NALCN: variants seen among roughly 807,000 people sequenced by gnomAD.
The protein encoded by NALCN is sodium leak channel, non-selective.
In NALCN, 111 loss-of-function variants were observed where a neutral mutation model predicts 225.3. That is an observed-to-expected ratio of 0.49 (90% CI 0.42 to 0.58). The LOEUF (loss-of-function observed/expected upper bound fraction) is 0.58, where lower values mean the gene tolerates loss of function less well. Among genes scored for constraint, NALCN ranks in the 20% least tolerant of loss-of-function variants. NALCN has a pLI of 0.00. For synonymous variants in NALCN, 764 were observed against 769.0 expected, an observed-to-expected ratio of 0.99 and a Z score of 0.11; for missense variants, 1,378 against 2,202.4, an observed-to-expected ratio of 0.63 and a Z score of 7.49.
At chr13:101,146,495 G>A (rs945982095) in intron 15 of NALCN, among the ~76,000 whole-genome samples, 3 of 152,148 alleles carry the variant, frequency 2.0e-5, no homozygotes, top group South Asian at 4.1e-4. Context: ...TTCCACACAC[G>A]AGTAAAGAGA....
intron 10 of NALCN, among the ~76,000 whole-genome samples, chr13:101,283,474 G>A (rs777084138): frequency 5.3e-5 from 8 of 152,122 alleles, no homozygotes; most frequent in Non-Finnish European, 1.0e-4. Context: ...CAATCCTTAT[G>A]TTTGCTATCA....
chr13:101,142,992 G>T, intron 17 of NALCN, 88 bp downstream of exon 17: 1 of 1,469,254 alleles, frequency 6.8e-7, no homozygotes, highest in Non-Finnish European at 9.5e-7. Context: ...TGAGAAATTG[G>T]ATTCCAGGAC....
intron 4 of NALCN, among the ~76,000 whole-genome samples, chr13:101,378,130 T>C (rs2046746313): frequency 1.3e-5 from 2 of 152,074 alleles, no homozygotes; most frequent in Admixed American, 1.3e-4. Context: ...TCAGGGAATA[T>C]ATTTTATATC....
At chr13:101,208,651 A>G (rs140973861) in intron 13 of NALCN, among the ~76,000 whole-genome samples, 1 of 152,296 alleles carries the variant, frequency 6.6e-6, no homozygotes, top group African/African-American at 2.4e-5. Context: ...GGAGGTGTTT[A>G]GGTCACGGGG....
intron 27 of NALCN, among the ~76,000 whole-genome samples, chr13:101,100,059 G>A (rs1457965309): frequency 2.0e-5 from 3 of 152,162 alleles, no homozygotes; most frequent in East Asian, 1.9e-4. Context: ...CGTAGTGCAA[G>A]TATTCAAGTT....
intron 14 of NALCN, among the ~76,000 whole-genome samples, chr13:101,187,622 A>G (rs1443796574): frequency 1.3e-5 from 2 of 152,208 alleles, no homozygotes; most frequent in Non-Finnish European, 2.9e-5. Context: ...TAAACATAGT[A>G]AGAGGTGCTC....
intron 7 of NALCN, among the ~76,000 whole-genome samples, chr13:101,304,950 T>G (rs1303977388): frequency 6.6e-6 from 1 of 151,716 alleles, no homozygotes; most frequent in East Asian, 1.9e-4. Flanking sequence ...GAGATGGGGG[T>G]TTCACCATGT....
At position 101,054,575 on chromosome 13, in the gene NALCN, T is replaced by C. The variant is rs1478957759; in HGVS notation, c.*720A>G. The C allele has an allele frequency of 6.6e-6, 1 of 152,254 alleles. No individual in the cohort carries two copies. The highest frequency in any genetic ancestry group is 1.9e-4 in the East Asian group (1 of 5,206). 9.4% of individuals were successfully genotyped at this position (152,254 alleles called of 1,614,324 possible). On this transcript the variant is annotated 3_prime_UTR_variant, in exon 44 of 44. Coordinates refer to ENST00000251127, the MANE Select transcript of NALCN (RefSeq NM_052867.4). Reference sequence around the variant, plus strand: ...GCAACTATGTCACTCAAGTGATTTATCTACAGGTTTGTTTTAAACCGCTAA... The same window carrying C: ...GCAACTATGTCACTCAAGTGATTTACCTACAGGTTTGTTTTAAACCGCTAA...
chr13:101,319,616 T>C (rs1291713841), intron 7 of NALCN, among the ~76,000 whole-genome samples: 2 of 152,140 alleles, frequency 1.3e-5, no homozygotes, highest in African/African-American at 4.8e-5. Context: ...TTTTCAAACA[T>C]TTATGAAATG....
chr13:101,408,439 C>T (rs796546812), intron 1 of NALCN, among the ~76,000 whole-genome samples: 1 of 152,090 alleles, frequency 6.6e-6, no homozygotes, highest in African/African-American at 2.4e-5. Context: ...TGGAGTCCTG[C>T]GTCTCCCCCA....
intron 3 of NALCN, among the ~76,000 whole-genome samples, chr13:101,381,344 T>C (rs370210517): frequency 1.3e-5 from 2 of 152,284 alleles, no homozygotes; most frequent in East Asian, 3.9e-4. Flanking sequence ...ACGTAAGGAT[T>C]TTTTATAGTC....
chr13:101,348,827 C>T (rs1382854299), intron 6 of NALCN, among the ~76,000 whole-genome samples: 6 of 151,952 alleles, frequency 3.9e-5, no homozygotes, highest in African/African-American at 1.4e-4. Context: ...GATTAATTGC[C>T]CTGGAACACA....
chr13:101,069,999 T>C (rs2032731430), intron 37 of NALCN, among the ~76,000 whole-genome samples: 2 of 151,938 alleles, frequency 1.3e-5, no homozygotes, highest in African/African-American at 2.4e-5. Context: ...ATGGCTGGAA[T>C]CAACTTCTTC....
In NALCN at chr13:101,188,605, T is replaced by C. The variant is rs533579747; in HGVS notation, c.1764+3312A>G. ...ATACATATATACACACACATATATA[T>C]ACATATATACACACATATATACATA... is the stretch of plus-strand genomic sequence containing the variant. On this transcript the variant is annotated intron_variant, in intron 14 of 43. Transcript: ENST00000251127. 2.4e-4 allele frequency among the ~76,000 whole-genome samples: 36 copies of C among 151,088 alleles called. No homozygotes were observed. In the South Asian group the frequency reaches 2.7e-3, roughly 11 times the overall value.
rs1009021353 is a variant in NALCN at position 101,411,222 on chromosome 13, T to G, written c.-40+5091A>C. On this transcript the variant is annotated intron_variant, in intron 1 of 43. Transcript: ENST00000251127. ...TATCCTCTTTCTTTTTTTTCCTTTT[T>G]TTTTGTACTTCTTAAGATGAAATGC... Among the ~76,000 whole-genome samples, 19 of 152,290 alleles carry G rather than the reference T, an allele frequency of 1.2e-4. 1 individual carries two copies. The highest frequency in any genetic ancestry group is 4.6e-4 in the African/African-American group (19 of 41,560).
chr13:101,327,404 A>G (rs2139219181), intron 7 of NALCN, among the ~76,000 whole-genome samples: 1 of 151,920 alleles, frequency 6.6e-6, no homozygotes, highest in East Asian at 1.9e-4. Context: ...GATATTTAGT[A>G]TTTTGATTCT....
chr13:101,211,148 G>A (rs2040507720), intron 13 of NALCN, among the ~76,000 whole-genome samples: 1 of 152,074 alleles, frequency 6.6e-6, no homozygotes, highest in East Asian at 1.9e-4. Context: ...CATTATAATG[G>A]AATGAGACAA....
intron 37 of NALCN, among the ~76,000 whole-genome samples, chr13:101,069,970 C>G (rs755257086): frequency 2.6e-5 from 4 of 152,064 alleles, no homozygotes; most frequent in Non-Finnish European, 5.9e-5. Context: ...AAGTCTTGAA[C>G]CCCTCAAAGT....
chr13:101,148,621 T>G (rs547547440), intron 15 of NALCN, among the ~76,000 whole-genome samples: 60 of 152,330 alleles, frequency 3.9e-4, no homozygotes, highest in African/African-American at 1.3e-3. Flanking sequence ...TCCCTGAGAC[T>G]GTAAACTTGG....
Sources: allele counts gnomAD v4.1 joint callset (sites outside exome capture counted in the v4.1 genomes callset), GRCh38; gene constraint gnomAD v4.1.1; transcripts MANE v1.5; gene names NCBI Gene and HGNC (gene_info 2026-07-23, HGNC 2026-07-21).